ARB2A: variants seen among roughly 807,000 people sequenced by gnomAD.
ARB2A encodes the protein ARB2 cotranscriptional regulator A.
At chr5:93,914,632 A>G in the ARB2A span, among the ~76,000 whole-genome samples, 4 of 151,898 alleles carry the variant, frequency 2.6e-5, no homozygotes, top group East Asian at 7.8e-4. Context: ...GAAGCAGAAT[A>G]AGAAATCATA....
the ARB2A span, among the ~76,000 whole-genome samples, chr5:93,778,432 T>C: frequency 2.6e-5 from 4 of 152,184 alleles, no homozygotes; most frequent in East Asian, 7.7e-4. Context: ...ATGGATGATT[T>C]GTTTTATCAT....
chr5:93,637,879 G>C, the ARB2A span, among the ~76,000 whole-genome samples: 1 of 152,008 alleles, frequency 6.6e-6, no homozygotes, highest in Non-Finnish European at 1.5e-5. Flanking sequence ...CCTTTATTTC[G>C]ACCTTTGGAC....
the ARB2A span, among the ~76,000 whole-genome samples, chr5:93,780,512 T>TTCTCTTTC: frequency 0.27 from 41,293 of 150,826 alleles, 7,239 homozygotes; most frequent in African/African-American, 0.49. Flanking sequence ...TGACCTTTCT[T>TTCTCTTTC]TCTCTTTCTC....
At chr5:93,900,122 GCTA>G in the ARB2A span, among the ~76,000 whole-genome samples, 1 of 152,146 alleles carries the variant, frequency 6.6e-6, no homozygotes, top group African/African-American at 2.4e-5. Flanking sequence ...TTTCTGAATT[GCTA>G]CTATGTGTAG....
chr5:93,652,898 G>C, the ARB2A span, among the ~76,000 whole-genome samples: 1 of 152,058 alleles, frequency 6.6e-6, no homozygotes. Context: ...AGTTGTAGCA[G>C]GTGGAAAAAA....
the ARB2A span, among the ~76,000 whole-genome samples, chr5:93,884,201 A>G: frequency 6.6e-6 from 1 of 151,596 alleles, no homozygotes; most frequent in Non-Finnish European, 1.5e-5. Context: ...ATTTACAGTC[A>G]CCAGAATTGT....
At chr5:93,940,668 TC>T in the ARB2A span, among the ~76,000 whole-genome samples, 2 of 152,090 alleles carry the variant, frequency 1.3e-5, no homozygotes, top group African/African-American at 4.8e-5. Flanking sequence ...TATTATTTAC[TC>T]TTAAGTTCAC....
chr5:93,646,666 C>T, the ARB2A span, among the ~76,000 whole-genome samples: 4 of 151,532 alleles, frequency 2.6e-5, no homozygotes, highest in African/African-American at 9.7e-5. Context: ...TGGTTAGACT[C>T]TCAAGTTCCA....
At chr5:93,658,999 A>T in the ARB2A span, among the ~76,000 whole-genome samples, 1 of 152,004 alleles carries the variant, frequency 6.6e-6, no homozygotes, top group Admixed American at 6.6e-5. Flanking sequence ...CATAAAAAAC[A>T]ATTTTATATG....
chr5:93,759,129 C>G, the ARB2A span, among the ~76,000 whole-genome samples: 1 of 152,022 alleles, frequency 6.6e-6, no homozygotes, highest in Non-Finnish European at 1.5e-5. Flanking sequence ...CCTTTATGCA[C>G]ATAAACTAGG....
At chr5:93,736,595 A>G in the ARB2A span, 1 of 152,212 alleles carries the variant, frequency 6.6e-6, no homozygotes, top group Admixed American at 6.5e-5. Context: ...GTCGGAGGAA[A>G]AAAAAAGTTT....
At chr5:93,672,708 T>A in the ARB2A span, among the ~76,000 whole-genome samples, 1 of 152,150 alleles carries the variant, frequency 6.6e-6, no homozygotes, top group East Asian at 1.9e-4. Context: ...CCCACAAAAT[T>A]TAGTCCAGAA....
chr5:93,925,104 C>T, the ARB2A span, among the ~76,000 whole-genome samples: 30 of 152,014 alleles, frequency 2.0e-4, no homozygotes, highest in South Asian at 4.8e-3. Flanking sequence ...AGCATTTCCC[C>T]CCATAGAATA....
the ARB2A span, among the ~76,000 whole-genome samples, chr5:93,790,642 T>C: frequency 1.3e-5 from 2 of 152,142 alleles, no homozygotes; most frequent in African/African-American, 2.4e-5. Context: ...GTGAACCCTT[T>C]CAGAATGGCT....
chr5:93,782,907 AT>A, the ARB2A span, among the ~76,000 whole-genome samples: 1 of 152,110 alleles, frequency 6.6e-6, no homozygotes, highest in African/African-American at 2.4e-5. Flanking sequence ...CATTTATAAA[AT>A]TTTATAAATT....
At chr5:93,699,932 C>T in the ARB2A span, among the ~76,000 whole-genome samples, 1 of 151,900 alleles carries the variant, frequency 6.6e-6, no homozygotes, top group African/African-American at 2.4e-5. Flanking sequence ...CTCTGTCCTG[C>T]TCCTTGACTA....
the ARB2A span, among the ~76,000 whole-genome samples, chr5:94,039,026 A>C: frequency 2.6e-5 from 4 of 152,334 alleles, no homozygotes; most frequent in South Asian, 8.3e-4. Flanking sequence ...AGACCTGATG[A>C]AATCCTTTCC....
At chr5:93,823,673 T>A in the ARB2A span, among the ~76,000 whole-genome samples, 1 of 152,168 alleles carries the variant, frequency 6.6e-6, no homozygotes, top group African/African-American at 2.4e-5. Context: ...GCAAAAAGCT[T>A]TCTGGTTAGC....
chr5:93,956,693 A>G, the ARB2A span, among the ~76,000 whole-genome samples: 1 of 151,930 alleles, frequency 6.6e-6, no homozygotes, highest in Non-Finnish European at 1.5e-5. Flanking sequence ...AAAAAAAAGT[A>G]AGAATGGGAC....
Sources: allele counts gnomAD v4.1 joint callset (sites outside exome capture counted in the v4.1 genomes callset), GRCh38; gene constraint gnomAD v4.1.1; transcripts MANE v1.5; gene names NCBI Gene and HGNC (gene_info 2026-07-23, HGNC 2026-07-21).